ACACA: variants seen among roughly 807,000 people sequenced by gnomAD.
The protein encoded by ACACA is acetyl-CoA carboxylase alpha.
Under a neutral mutation model 296.1 loss-of-function variants are expected in ACACA, and 103 were observed. The observed-to-expected ratio is 0.35, with a 90% confidence interval of 0.30 to 0.41. The LOEUF (loss-of-function observed/expected upper bound fraction) is 0.41, where lower values mean the gene tolerates loss of function less well. Ranked by LOEUF, ACACA falls within the 10% of genes least tolerant of loss-of-function variation. The probability of loss-of-function intolerance (pLI) is 1.00; values close to 1 mark genes in which losing one functional copy is unlikely to be tolerated. For synonymous variants in ACACA, 953 were observed against 1,038.6 expected (o/e 0.92, Z 1.58); for missense variants, 1,554 against 2,989.7 (o/e 0.52, Z 11.20).
intron 47 of ACACA, among the ~76,000 whole-genome samples, chr17:37,127,623 AT>A (rs1455549509): frequency 6.6e-6 from 1 of 152,116 alleles, no homozygotes; most frequent in Non-Finnish European, 1.5e-5. Flanking sequence ...GCACTTTGAG[AT>A]CACAAGGTCA....
chr17:37,187,550 T>G (rs538980996), intron 39 of ACACA, among the ~76,000 whole-genome samples: 3 of 152,296 alleles, frequency 2.0e-5, no homozygotes, highest in African/African-American at 7.2e-5. Flanking sequence ...GCCCAAATAT[T>G]TAGAAACCAA....
chr17:37,381,873 C>T lies in ACACA; in HGVS notation c.38+24389G>A, dbSNP rs369154486. ...CGATCGCCTGACCTTGTGATCTGCC[C>T]GCCTTGGCCTCCCAAAGTGCTGGGA... On this transcript the variant is annotated intron_variant, in intron 1 of 55. Coordinates refer to ENST00000616317, the MANE Select transcript of ACACA (RefSeq NM_198834.3). Among the ~76,000 whole-genome samples, 196 of 152,084 alleles carry T rather than the reference C, an allele frequency of 1.3e-3. 6 individuals are homozygous for T. The South Asian group carries it at 0.038, about 30-fold the overall frequency.
In ACACA at chr17:37,235,215, G is replaced by A. The variant is rs541969657; in HGVS notation, c.3122-116C>T. Reference sequence around the variant, plus strand: ...CGAGCAGTGAGAAGAAACATCATAAGGATTTTCTTGGATGGATTTGTACAG... The same window carrying A: ...CGAGCAGTGAGAAGAAACATCATAAAGATTTTCTTGGATGGATTTGTACAG... On this transcript the variant is annotated intron_variant, in intron 24 of 55. Transcript: ENST00000616317. 15 of 1,295,010 alleles carry A rather than the reference G, an allele frequency of 1.2e-5. No individual in the cohort carries two copies. The Admixed American group carries it at 2.7e-4, about 23-fold the overall frequency. 80.2% of individuals were successfully genotyped at this position (1,295,010 alleles called of 1,614,324 possible).
At chr17:37,182,627 T>C (rs567825868) in intron 39 of ACACA, among the ~76,000 whole-genome samples, 1 of 152,344 alleles carries the variant, frequency 6.6e-6, no homozygotes, top group Admixed American at 6.5e-5. Flanking sequence ...ACTTCATGCA[T>C]GGATACATAA....
chr17:37,335,053 C>T (rs1046881920), intron 2 of ACACA, among the ~76,000 whole-genome samples: 9 of 152,058 alleles, frequency 5.9e-5, no homozygotes, highest in African/African-American at 1.4e-4. Flanking sequence ...AACAGAAAAA[C>T]ACATAAAGGA....
At chr17:37,356,224 G>A (rs967434027) in intron 1 of ACACA, among the ~76,000 whole-genome samples, 3 of 152,084 alleles carry the variant, frequency 2.0e-5, no homozygotes, top group African/African-American at 7.2e-5. Flanking sequence ...TTAATAATCT[G>A]TTAATAATCT....
intron 48 of ACACA, among the ~76,000 whole-genome samples, chr17:37,123,606 T>A (rs564477962): frequency 7.9e-5 from 12 of 152,294 alleles, no homozygotes; most frequent in African/African-American, 2.6e-4. Context: ...CCTTTGGTTG[T>A]TAAATTGGCT....
chr17:37,171,641 C>T (rs187725747), intron 41 of ACACA, among the ~76,000 whole-genome samples: 2 of 151,860 alleles, frequency 1.3e-5, no homozygotes, highest in East Asian at 3.9e-4. Context: ...ACAAACTCAC[C>T]TCAACCTCTC....
intron 1 of ACACA, among the ~76,000 whole-genome samples, chr17:37,381,239 G>A (rs1024256233): frequency 1.3e-5 from 2 of 151,966 alleles, no homozygotes; most frequent in Non-Finnish European, 1.5e-5. Flanking sequence ...AGGCTGGAGC[G>A]CAGTGGCGCG....
At chr17:37,236,771 G>A (rs911261743) in intron 24 of ACACA, among the ~76,000 whole-genome samples, 7 of 152,160 alleles carry the variant, frequency 4.6e-5, no homozygotes, top group African/African-American at 1.7e-4. Context: ...GTTGCAGTGA[G>A]CAGAGATTGC....
rs191085848 is a variant in ACACA at position 37,245,037 on chromosome 17, T to C, written c.2595+43A>G. 79 of 1,614,050 alleles carry C rather than the reference T, an allele frequency of 4.9e-5. No individual in the cohort carries two copies. The African/African-American group carries it at 8.7e-4, about 18-fold the overall frequency. On this transcript the variant is annotated intron_variant, in intron 20 of 55. Coordinates refer to ENST00000616317, the MANE Select transcript of ACACA (RefSeq NM_198834.3). ...CTTGCCTCTCCAAACCACCAAGTTC[T>C]TTAGCTCTTAGAGAGCAATATTCGG... is the stretch of plus-strand genomic sequence containing the variant.
intron 1 of ACACA, among the ~76,000 whole-genome samples, chr17:37,351,161 A>G (rs1264130201): frequency 1.3e-5 from 2 of 151,666 alleles, no homozygotes; most frequent in African/African-American, 4.8e-5. Flanking sequence ...AATAAAATAT[A>G]AAATAAAATG....
At chr17:37,221,530 T>C in intron 29 of ACACA, 194 bp downstream of exon 29, 2 of 649,624 alleles carry the variant, frequency 3.1e-6, no homozygotes, top group South Asian at 3.5e-5. Flanking sequence ...AACTTTCATC[T>C]TACTTAGACC....
At chr17:37,166,071 G>A (rs1017582075) in intron 41 of ACACA, among the ~76,000 whole-genome samples, 3 of 152,118 alleles carry the variant, frequency 2.0e-5, no homozygotes, top group African/African-American at 4.8e-5. Flanking sequence ...TGCTTCCCAG[G>A]AACATTAAAC....
intron 3 of ACACA, among the ~76,000 whole-genome samples, chr17:37,288,312 C>T (rs1228028174): frequency 6.6e-6 from 1 of 151,766 alleles, no homozygotes; most frequent in Non-Finnish European, 1.5e-5. Context: ...TCTTTTGGGC[C>T]CCAAGTCCAT....
At chr17:37,395,429 CA>C (rs11409136) in intron 1 of ACACA, among the ~76,000 whole-genome samples, 53,493 of 126,344 alleles carry the variant, frequency 0.42, 9,630 homozygotes, top group Middle Eastern at 0.52. Flanking sequence ...GACTCCATTT[CA>C]AAAAAAAAAA....
At chr17:37,174,007 T>A (rs2076999433) in intron 41 of ACACA, among the ~76,000 whole-genome samples, 2 of 15,656 alleles carry the variant, frequency 1.3e-4, no homozygotes, top group East Asian at 2.8e-3. Flanking sequence ...TATATATATA[T>A]ATATATATAT....
At chr17:37,155,184 G>C (rs2076190874) in intron 43 of ACACA, among the ~76,000 whole-genome samples, 1 of 151,960 alleles carries the variant, frequency 6.6e-6, no homozygotes, top group African/African-American at 2.4e-5. Context: ...ATTAGAAATA[G>C]TCTGAATGTT....
chr17:37,090,487 T>C lies in ACACA; in HGVS notation c.6892-1413A>G, dbSNP rs1405920220. ...TGTGCCCAGTTCTGTATCTAATCAC[T>C]GATAAGCAGATCAGCAATTCTTCAG... On this transcript the variant is annotated intron_variant, in intron 54 of 55. Coordinates refer to ENST00000616317, the MANE Select transcript of ACACA (RefSeq NM_198834.3). 2.0e-5 allele frequency among the ~76,000 whole-genome samples: 3 copies of C among 152,328 alleles called. No homozygotes were observed. The East Asian group carries it at 5.8e-4, about 29-fold the overall frequency.
Sources: allele counts gnomAD v4.1 joint callset (sites outside exome capture counted in the v4.1 genomes callset), GRCh38; gene constraint gnomAD v4.1.1; transcripts MANE v1.5; gene names NCBI Gene and HGNC (gene_info 2026-07-23, HGNC 2026-07-21).